The following HEATR4 variants were observed in gnomAD, a reference collection of about 807,000 sequenced individuals.
HEATR4 encodes the protein HEAT repeat containing 4.
HEATR4 carries 95 observed loss-of-function variants against 108.8 expected under a neutral mutation model. The observed-to-expected ratio is 0.87, with a 90% CI of 0.74 to 1.04. The LOEUF (loss-of-function observed/expected upper bound fraction) is 1.04, where lower values mean the gene tolerates loss of function less well. Among genes scored for constraint, HEATR4 ranks in the 50% least tolerant of loss-of-function variants. The pLI is 0.00. For synonymous variants in HEATR4, 443 were observed against 459.4 expected, an observed-to-expected ratio of 0.96 and a Z score of 0.46; for missense variants, 1,152 against 1,253.8, an observed-to-expected ratio of 0.92 and a Z score of 1.23.
At chr14:73,591,984 C>T in the HEATR4 span, 5 of 1,406,174 alleles carry the variant, frequency 3.6e-6, no homozygotes, top group Non-Finnish European at 4.6e-6. Context: ...GATCCTGGAG[C>T]CCCCAGGCCG....
the HEATR4 span, among the ~76,000 whole-genome samples, chr14:73,631,122 TA>T: frequency 6.6e-6 from 1 of 152,178 alleles, no homozygotes; most frequent in East Asian, 1.9e-4. Context: ...TATTTATAGA[TA>T]AATGGGATAA....
the HEATR4 span, among the ~76,000 whole-genome samples, chr14:73,614,434 G>A: frequency 6.6e-6 from 1 of 151,930 alleles, no homozygotes; most frequent in East Asian, 1.9e-4. Context: ...GATATAGTAG[G>A]AGCTCAATAA....
intron 1 of HEATR4, among the ~76,000 whole-genome samples, chr14:73,536,509 G>A (rs1888866822): frequency 1.5e-5 from 1 of 67,746 alleles, no homozygotes; most frequent in African/African-American, 5.5e-5. Context: ...GTGAGACCCT[G>A]TCTCTTTAAA....
intron 17 of HEATR4, chr14:73,491,011 T>G (rs748966519): frequency 2.1e-6 from 3 of 1,452,490 alleles, no homozygotes. Flanking sequence ...ACTGGTGTGG[T>G]CTGGCCATGG....
chr14:73,480,071 G>C (rs1300376686), intron 17 of HEATR4, among the ~76,000 whole-genome samples: 1 of 152,136 alleles, frequency 6.6e-6, no homozygotes, highest in Non-Finnish European at 1.5e-5. Context: ...TATAATTTCA[G>C]CTATACATTA....
At chr14:73,509,988 C>T (rs553473743) in intron 7 of HEATR4, among the ~76,000 whole-genome samples, 6 of 150,378 alleles carry the variant, frequency 4.0e-5, no homozygotes, top group African/African-American at 1.5e-4. Context: ...ATTCTCCTGC[C>T]TCAGCCTCCC....
At chr14:73,565,530 C>T in the HEATR4 span, among the ~76,000 whole-genome samples, 1 of 151,888 alleles carries the variant, frequency 6.6e-6, no homozygotes, top group Non-Finnish European at 1.5e-5. Flanking sequence ...TGGACCCTCA[C>T]GGGAGCATTA....
intron 11 of HEATR4, among the ~76,000 whole-genome samples, chr14:73,501,162 A>G (rs1362000981): frequency 1.3e-5 from 2 of 152,142 alleles, no homozygotes; most frequent in Non-Finnish European, 2.9e-5. Context: ...TCTGTTGCCC[A>G]GGCTGGAGTG....
At chr14:73,576,140 GC>G in the HEATR4 span, among the ~76,000 whole-genome samples, 2 of 151,890 alleles carry the variant, frequency 1.3e-5, no homozygotes, top group Non-Finnish European at 2.9e-5. Context: ...CTACCCTCCA[GC>G]CTGGGCAACA....
chr14:73,529,108 C>A (rs1157571514), intron 2 of HEATR4: 1 of 152,164 alleles, frequency 6.6e-6, no homozygotes. Flanking sequence ...AATCCCAGCA[C>A]TTTGGGAGGC....
At chr14:73,618,164 C>T in the HEATR4 span, among the ~76,000 whole-genome samples, 1 of 151,992 alleles carries the variant, frequency 6.6e-6, no homozygotes, top group Non-Finnish European at 1.5e-5. Context: ...CCAACAACAA[C>T]AACGACAACA....
chr14:73,509,271 A>G (rs1312971265), intron 8 of HEATR4, 41 bp downstream of exon 8: 1 of 1,580,620 alleles, frequency 6.3e-7, no homozygotes, highest in Non-Finnish European at 8.7e-7. Flanking sequence ...TGAGATGTCT[A>G]TCCCATATTT....
the HEATR4 span, among the ~76,000 whole-genome samples, chr14:73,575,971 A>G: frequency 4.0e-5 from 6 of 151,562 alleles, no homozygotes; most frequent in African/African-American, 1.5e-4. Flanking sequence ...GGCCAACGTG[A>G]TGAAACCCCA....
the HEATR4 span, among the ~76,000 whole-genome samples, chr14:73,580,187 C>T: frequency 2.6e-5 from 4 of 152,010 alleles, no homozygotes; most frequent in African/African-American, 7.2e-5. Flanking sequence ...AGTGCAGTGG[C>T]GCTATCATAG....
intron 5 of HEATR4, 55 bp downstream of exon 5, chr14:73,518,968 A>T: frequency 6.4e-7 from 1 of 1,552,996 alleles, no homozygotes; most frequent in Non-Finnish European, 8.7e-7. Context: ...TAATGATGGG[A>T]AGTAGCCACA....
At chr14:73,514,293 G>C in intron 5 of HEATR4, 59 bp from the exon 6 acceptor site, 1 of 1,500,680 alleles carries the variant, frequency 6.7e-7, no homozygotes, top group Admixed American at 1.9e-5. Flanking sequence ...CTGCCACACA[G>C]TGGCCCCAGC....
intron 8 of HEATR4, among the ~76,000 whole-genome samples, chr14:73,508,550 AC>A (rs1250028956): frequency 2.0e-5 from 3 of 152,092 alleles, no homozygotes; most frequent in African/African-American, 4.8e-5. Context: ...GGAGTTCAAG[AC>A]CAGCCTGGCC....
the HEATR4 span, among the ~76,000 whole-genome samples, chr14:73,576,305 AT>A: frequency 1.8e-4 from 27 of 152,062 alleles, no homozygotes; most frequent in Non-Finnish European, 3.5e-4. Flanking sequence ...CTAGTTAGAT[AT>A]AAAACTACTA....
At chr14:73,561,825 AAACTT>A (rs1436900786), upstream of HEATR4, among the ~76,000 whole-genome samples, 2 of 151,954 alleles carry the variant, frequency 1.3e-5, no homozygotes, top group East Asian at 1.9e-4. Context: ...TCTCTACAAA[AAACTT>A]AAAAAGTATC....
Sources: allele counts gnomAD v4.1 joint callset (sites outside exome capture counted in the v4.1 genomes callset), GRCh38; gene constraint gnomAD v4.1.1; transcripts MANE v1.5; gene names NCBI Gene and HGNC (gene_info 2026-07-23, HGNC 2026-07-21).